NUDT5: variants seen among roughly 807,000 people sequenced by gnomAD.
The protein encoded by NUDT5 is ADP-sugar pyrophosphatase.
NUDT5 carries 21 observed loss-of-function variants against 34.1 expected under a neutral mutation model. That is an observed-to-expected ratio of 0.62 (90% CI 0.44 to 0.89). The LOEUF (loss-of-function observed/expected upper bound fraction) is 0.89. NUDT5 is among the 40% of genes least tolerant of loss of function. The pLI is 0.00. For missense variants in NUDT5, 249 were observed against 274.8 expected (o/e 0.91, Z 0.66); for synonymous variants, 85 against 97.6 (o/e 0.87, Z 0.76).
chr10:12,192,834 G>A (rs1356367898), intron 1 of NUDT5, among the ~76,000 whole-genome samples: 1 of 152,028 alleles, frequency 6.6e-6, no homozygotes, highest in African/African-American at 2.4e-5. Flanking sequence ...CTGGGCGACA[G>A]AGCGAGACTC....
rs1054387702 is a variant in NUDT5 at position 12,168,057 on chromosome 10, C to T, written c.551-246G>A. Among the ~76,000 whole-genome samples the T allele has an allele frequency of 6.6e-6, 1 of 150,974 alleles. No individual in the cohort carries two copies. Among genetic ancestry groups the T allele is most frequent in the African/African-American group, 2.4e-5 (1 of 41,002 alleles). Reference sequence around the variant, plus strand: ...TTTTTTTTTTGGTGAGACAGTCTCGCTCTGTTGCCCAAGCTAGAGGGCAAT... The same window carrying T: ...TTTTTTTTTTGGTGAGACAGTCTCGTTCTGTTGCCCAAGCTAGAGGGCAAT... On this transcript the variant is annotated intron_variant, in intron 9 of 9. Coordinates refer to ENST00000491614, the MANE Select transcript of NUDT5 (RefSeq NM_014142.4). The surrounding 1 kb of genome is among the most constrained non-coding windows in gnomAD (Gnocchi z 4.8).
rs1032075940 is a variant in NUDT5 at position 12,195,889 on chromosome 10, G to T, written c.-161C>A. On this transcript the variant is annotated 5_prime_UTR_variant, in exon 1 of 10. Transcript: ENST00000491614. ...CGCCTCTCGCGGTGCTAAAAGGATG[G>T]GCGCGCACCCTCCTTCCGGCATCCG... 1.0e-5 allele frequency: 3 copies of T among 298,448 alleles called. No individual in the cohort carries two copies. Among genetic ancestry groups the T allele is most frequent in the African/African-American group, 4.4e-5 (2 of 45,082 alleles). The allele number at this position is 298,448 out of a possible 1,614,324, so 18.5% of individuals were successfully genotyped here. A position where few individuals can be genotyped will look rare whatever the true frequency, so the allele number is the denominator to read the frequency against.
In NUDT5 at chr10:12,186,219, C is replaced by G. The variant is rs917298106; in HGVS notation, c.63+10G>C. 6.2e-7 allele frequency: 1 copy of G among 1,604,652 alleles called. No homozygotes were observed. The highest frequency in any genetic ancestry group is 8.5e-7 in the Non-Finnish European group (1 of 1,171,760). ...GGGGGAGGGAAGGGAAAGTGAAAAA[C>G]AAGTTATACCTCCTCTGAAATGATA... On this transcript the variant is annotated intron_variant, in intron 2 of 9. Transcript: ENST00000491614.
At position 12,166,779 on chromosome 10, in the gene NUDT5, A is replaced by G. The variant is rs911719943; in HGVS notation, c.*923T>C. ...ACACAAAAAGAGCTAAACTCACTCA[A>G]GAAGCTAAGAAAATGGCCCAGGAAC... On this transcript the variant is annotated 3_prime_UTR_variant, in exon 10 of 10. Coordinates refer to ENST00000491614, the MANE Select transcript of NUDT5 (RefSeq NM_014142.4). 6.1e-6 allele frequency: 3 copies of G among 488,998 alleles called. No homozygotes were observed. The highest frequency in any genetic ancestry group is 8.4e-6 in the Non-Finnish European group (2 of 237,734). 30.3% of individuals were successfully genotyped at this position (488,998 alleles called of 1,614,324 possible). A position where few individuals can be genotyped will look rare whatever the true frequency, so the allele number is the denominator to read the frequency against.
intron 7 of NUDT5, 55 bp downstream of exon 7, chr10:12,172,709 GT>G: frequency 8.3e-7 from 1 of 1,204,676 alleles, no homozygotes; most frequent in Admixed American, 1.7e-5. Flanking sequence ...CTAGCAGCAA[GT>G]TCCAAGACAC....
intron 1 of NUDT5, among the ~76,000 whole-genome samples, chr10:12,189,055 T>C (rs1009015091): frequency 1.3e-5 from 2 of 152,216 alleles, no homozygotes; most frequent in African/African-American, 2.4e-5. Flanking sequence ...GCAGCCCTAC[T>C]AAGAAAACAG....
At chr10:12,192,130 T>C (rs915810137) in intron 1 of NUDT5, among the ~76,000 whole-genome samples, 24 of 151,546 alleles carry the variant, frequency 1.6e-4, no homozygotes, top group African/African-American at 5.8e-4. Context: ...CAAAAGAGGG[T>C]CAGGCACTTG....
rs1834846933 is a variant in NUDT5 at position 12,171,289 on chromosome 10, C to T, written c.488-381G>A. Among the ~76,000 whole-genome samples the T allele has an allele frequency of 6.6e-6, 1 of 152,216 alleles. No individual in the cohort carries two copies. The highest frequency in any genetic ancestry group is 1.5e-5 in the Non-Finnish European group (1 of 68,044). On this transcript the variant is annotated intron_variant, in intron 7 of 9. Coordinates refer to ENST00000491614, the MANE Select transcript of NUDT5 (RefSeq NM_014142.4). This position sits in a 1 kb window ranked among gnomAD's most constrained non-coding sequence, Gnocchi z 4.2. ...CTCCAGAACTTTTCATGACACCCAA[C>T]AGAAACTCGGGATCCACTCAACACT...
Position 12,169,459 on chromosome 10 carries a change from T to C in NUDT5, c.550+1258A>G, listed in dbSNP as rs1834801880. 1 of 637,100 alleles carries C rather than the reference T, an allele frequency of 1.6e-6. No homozygotes were observed. Among genetic ancestry groups the C allele is most frequent in the Non-Finnish European group, 2.7e-6 (1 of 376,048 alleles). 39.5% of individuals were successfully genotyped at this position (637,100 alleles called of 1,614,324 possible). A position where few individuals can be genotyped will look rare whatever the true frequency, so the allele number is the denominator to read the frequency against. ...GAGAGGCTACAGAACCTGTTTGATG[T>C]GATAGCTAATTATGGTCCGCGGAGC... On this transcript the variant is annotated intron_variant, in intron 9 of 9. Transcript: ENST00000491614. This position sits in a 1 kb window ranked among gnomAD's most constrained non-coding sequence, Gnocchi z 4.8.
At chr10:12,189,271 A>G (rs1423352573) in intron 1 of NUDT5, among the ~76,000 whole-genome samples, 1 of 152,040 alleles carries the variant, frequency 6.6e-6, no homozygotes, top group Non-Finnish European at 1.5e-5. Flanking sequence ...GCACCCGGCT[A>G]ATTTTTACAT....
rs906528056 is a variant in NUDT5 at position 12,182,272 on chromosome 10, C to T, written c.131+2617G>A. ...CAGAGTCAGGTGTGGAATTCTCCAGCTGGGGCATCATGTTGGCAATGAAAA... is the reference window on the plus strand; with the variant it reads ...CAGAGTCAGGTGTGGAATTCTCCAGTTGGGGCATCATGTTGGCAATGAAAA... On this transcript the variant is annotated intron_variant, in intron 3 of 9. Transcript: ENST00000491614. The surrounding 1 kb of genome is among the most constrained non-coding windows in gnomAD (Gnocchi z 4.3). Among the ~76,000 whole-genome samples, 7 of 152,146 alleles carry T rather than the reference C, an allele frequency of 4.6e-5. No individual in the cohort carries two copies. The highest frequency in any genetic ancestry group is 1.3e-4 in the Admixed American group (2 of 15,274).
At position 12,172,870 on chromosome 10, in the gene NUDT5, T is replaced by C. The variant is rs1834882777; in HGVS notation, c.386-4A>G. 1 of 1,605,272 alleles carries C rather than the reference T, an allele frequency of 6.2e-7. No homozygotes were observed. The highest frequency in any genetic ancestry group is 1.3e-5 in the African/African-American group (1 of 74,774). ...AAGCCTGGGTCCATACAGACCGCTG[T>C]GGAGAGAAGGGACAGTCAGATGCGT... On this transcript the variant is annotated splice_region_variant and splice_polypyrimidine_tract_variant and intron_variant, in intron 6 of 9. Transcript: ENST00000491614.
At chr10:12,176,599 G>A (rs1588657294) in intron 5 of NUDT5, among the ~76,000 whole-genome samples, 4 of 151,876 alleles carry the variant, frequency 2.6e-5, no homozygotes, top group Non-Finnish European at 4.4e-5. Flanking sequence ...GCAGGACTCC[G>A]TCTCAAATAA....
At chr10:12,193,989 G>A (rs1366462973) in intron 1 of NUDT5, among the ~76,000 whole-genome samples, 1 of 151,874 alleles carries the variant, frequency 6.6e-6, no homozygotes. Context: ...CGATTCTCCT[G>A]CCTCAGCCTC....
chr10:12,178,092 C>T (rs1423290789), intron 4 of NUDT5, among the ~76,000 whole-genome samples, 192 bp from the exon 5 acceptor site: 4 of 151,962 alleles, frequency 2.6e-5, no homozygotes. Context: ...TTTACACTTT[C>T]TTTTTTAAAC....
intron 1 of NUDT5, among the ~76,000 whole-genome samples, chr10:12,192,231 G>C (rs534837044): frequency 3.3e-5 from 5 of 151,816 alleles, no homozygotes; most frequent in Non-Finnish European, 5.9e-5. Context: ...TTGAACGAGG[G>C]AGGTGGAGGT....
chr10:12,179,546 G>T (rs528450551), intron 3 of NUDT5, among the ~76,000 whole-genome samples: 1 of 152,322 alleles, frequency 6.6e-6, no homozygotes, highest in South Asian at 2.1e-4. Flanking sequence ...TATGGACAAC[G>T]TGAACTATTG....
At chr10:12,189,055 T>G (rs1009015091) in intron 1 of NUDT5, among the ~76,000 whole-genome samples, 2 of 152,216 alleles carry the variant, frequency 1.3e-5, no homozygotes, top group African/African-American at 4.8e-5. Flanking sequence ...GCAGCCCTAC[T>G]AAGAAAACAG....
chr10:12,187,896 C>T lies in NUDT5; in HGVS notation c.-41-1564G>A, dbSNP rs543596544. ...CTTGGACCAGGCACAGTGGCTCACA[C>T]CTGGAATCCTAGCCCTTTGGGGGAC... On this transcript the variant is annotated intron_variant, in intron 1 of 9. Transcript: ENST00000491614. The surrounding 1 kb of genome is among the most constrained non-coding windows in gnomAD (Gnocchi z 5.4). 6.6e-6 allele frequency among the ~76,000 whole-genome samples: 1 copy of T among 152,154 alleles called. No individual in the cohort carries two copies. Among genetic ancestry groups the T allele is most frequent in the Non-Finnish European group, 1.5e-5 (1 of 68,036 alleles).
Sources: gnomAD v4.1 joint callset for allele counts (sites outside exome capture counted in the v4.1 genomes callset) on GRCh38, gnomAD v4.1.1 for gene constraint, Gnocchi (gnomAD v3.1) non-coding constraint, MANE v1.5 for transcripts, NCBI Gene and HGNC (gene_info 2026-07-23, HGNC 2026-07-21) for gene names.